The following MAST4 variants were observed in gnomAD, a reference collection of about 807,000 sequenced individuals.
MAST4 encodes the protein microtubule-associated serine/threonine-protein kinase 4.
Under a neutral mutation model 162.7 loss-of-function variants are expected in MAST4, and 89 were observed. The observed-to-expected ratio is 0.55, with a 90% CI of 0.46 to 0.65. The LOEUF (loss-of-function observed/expected upper bound fraction) is 0.65. Ranked by LOEUF, MAST4 falls within the 30% of genes least tolerant of loss-of-function variation. The pLI, the probability that MAST4 is intolerant of heterozygous loss-of-function variation, is 0.00. For missense variants in MAST4, 3,153 were observed against 3,374.0 expected (o/e 0.93, Z 1.62); for synonymous variants, 1,479 against 1,361.1 (o/e 1.09, Z -1.91).
intron 14 of MAST4, among the ~76,000 whole-genome samples, chr5:67,123,268 T>TTCTC (rs557680040): frequency 1.2e-4 from 19 of 152,318 alleles, no homozygotes; most frequent in Non-Finnish European, 2.5e-4. Flanking sequence ...TAGGAAGGGC[T>TTCTC]TCTATCTGTA....
intron 3 of MAST4, among the ~76,000 whole-genome samples, chr5:66,836,924 C>A (rs1405801910): frequency 1.3e-5 from 2 of 152,014 alleles, no homozygotes; most frequent in African/African-American, 4.8e-5. Context: ...ACATGTACCC[C>A]AGAACCTAAA....
At chr5:66,765,792 TCCC>T (rs1754067483) in intron 2 of MAST4, among the ~76,000 whole-genome samples, 1 of 151,866 alleles carries the variant, frequency 6.6e-6, no homozygotes, top group Non-Finnish European at 1.5e-5. Context: ...TGCATTTTCC[TCCC>T]TAGCTAAACT....
intron 1 of MAST4, among the ~76,000 whole-genome samples, chr5:66,687,653 T>C (rs1289743485): frequency 6.6e-6 from 1 of 151,028 alleles, no homozygotes; most frequent in Non-Finnish European, 1.5e-5. Flanking sequence ...TCTATCTATC[T>C]ATCTATCTAT....
intron 4 of MAST4, among the ~76,000 whole-genome samples, chr5:67,012,601 G>A (rs1752825411): frequency 6.6e-6 from 1 of 152,132 alleles, no homozygotes; most frequent in African/African-American, 2.4e-5. Flanking sequence ...GCATAAAATT[G>A]TCTACTAAAA....
intron 3 of MAST4, among the ~76,000 whole-genome samples, chr5:66,824,515 A>G (rs1016285762): frequency 2.6e-5 from 4 of 152,368 alleles, no homozygotes; most frequent in Admixed American, 2.6e-4. Context: ...GAACTCCTCA[A>G]ATGTTCCTCA....
At chr5:66,616,335 G>A (rs1254946164) in intron 1 of MAST4, among the ~76,000 whole-genome samples, 2 of 152,178 alleles carry the variant, frequency 1.3e-5, no homozygotes, top group Admixed American at 6.5e-5. Context: ...TCAGAGAAGA[G>A]ATGTTTTAAA....
At chr5:66,947,527 T>A (rs1561469463) in intron 4 of MAST4, among the ~76,000 whole-genome samples, 1 of 152,174 alleles carries the variant, frequency 6.6e-6, no homozygotes, top group Non-Finnish European at 1.5e-5. Context: ...TACTTTGCCA[T>A]CTAGATATTG....
At chr5:66,841,793 C>A (rs1195533205) in intron 3 of MAST4, among the ~76,000 whole-genome samples, 1 of 152,066 alleles carries the variant, frequency 6.6e-6, no homozygotes, top group Admixed American at 6.6e-5. Context: ...TCTGGCGAGG[C>A]AAATGGGTAC....
intron 1 of MAST4, among the ~76,000 whole-genome samples, chr5:66,750,976 G>T (rs972177025): frequency 3.9e-5 from 6 of 152,194 alleles, no homozygotes; most frequent in African/African-American, 7.2e-5. Flanking sequence ...CTTCTCAAGT[G>T]GGTCCCTGAC....
intron 5 of MAST4, among the ~76,000 whole-genome samples, chr5:67,078,409 T>C (rs2150711107): frequency 6.6e-6 from 1 of 150,826 alleles, no homozygotes; most frequent in South Asian, 2.1e-4. Context: ...GGGTAGTTTG[T>C]ACAAAAAGAA....
chr5:66,888,881 A>G (rs1238001784), intron 3 of MAST4, among the ~76,000 whole-genome samples: 1 of 152,212 alleles, frequency 6.6e-6, no homozygotes, highest in African/African-American at 2.4e-5. Context: ...CACATCATTG[A>G]TATTCACTTC....
chr5:66,942,827 T>C (rs942635152), intron 4 of MAST4, among the ~76,000 whole-genome samples: 2 of 152,148 alleles, frequency 1.3e-5, no homozygotes, highest in Non-Finnish European at 2.9e-5. Context: ...TTCAGGCAAG[T>C]ATAACAAAAT....
chr5:67,114,317 G>T, intron 12 of MAST4, 98 bp downstream of exon 12: 1 of 1,424,236 alleles, frequency 7.0e-7, no homozygotes, highest in Non-Finnish European at 9.4e-7. Flanking sequence ...CTCATGTTTT[G>T]GCTCTATCTA....
intron 1 of MAST4, among the ~76,000 whole-genome samples, chr5:66,658,340 A>C (rs959466633): frequency 1.3e-5 from 2 of 152,226 alleles, no homozygotes; most frequent in Non-Finnish European, 2.9e-5. Flanking sequence ...TTCTTGAGAA[A>C]AATGAAGTGT....
At chr5:66,863,501 C>G (rs1429622602) in intron 3 of MAST4, among the ~76,000 whole-genome samples, 3 of 152,156 alleles carry the variant, frequency 2.0e-5, no homozygotes, top group African/African-American at 7.2e-5. Context: ...CCATGTCTCC[C>G]TCCTCCTTGT....
chr5:66,624,852 T>A (rs1744320314), intron 1 of MAST4, among the ~76,000 whole-genome samples: 1 of 152,180 alleles, frequency 6.6e-6, no homozygotes, highest in South Asian at 2.1e-4. Context: ...GTCACAGAAA[T>A]CAACTCAAAA....
At chr5:66,832,211 C>A (rs955075957) in intron 3 of MAST4, among the ~76,000 whole-genome samples, 3 of 148,782 alleles carry the variant, frequency 2.0e-5, no homozygotes, top group Admixed American at 6.6e-5. Flanking sequence ...ACACACGCCC[C>A]CCAATTAAAT....
chr5:66,820,393 C>G (rs1016890115), intron 3 of MAST4, among the ~76,000 whole-genome samples: 2 of 152,130 alleles, frequency 1.3e-5, no homozygotes, highest in Non-Finnish European at 2.9e-5. Context: ...AGGTATCATA[C>G]AATGACAATA....
At chr5:66,915,729 C>G (rs1025518939) in intron 4 of MAST4, among the ~76,000 whole-genome samples, 1 of 152,084 alleles carries the variant, frequency 6.6e-6, no homozygotes, top group Non-Finnish European at 1.5e-5. Flanking sequence ...GACACAGGTC[C>G]TCCTGCACTG....
Sources: allele counts gnomAD v4.1 joint callset (sites outside exome capture counted in the v4.1 genomes callset), GRCh38; gene constraint gnomAD v4.1.1; transcripts MANE v1.5; gene names NCBI Gene and HGNC (gene_info 2026-07-23, HGNC 2026-07-21).